Variants in ZNF257 observed in about 807,000 individuals in gnomAD.
ZNF257 encodes bone marrow zinc finger 4.
A neutral mutation model predicts 11.9 loss-of-function variants in ZNF257; 12 were observed. The observed-to-expected ratio is 1.01, with a 90% confidence interval of 0.65 to 1.63. The LOEUF (loss-of-function observed/expected upper bound fraction) is 1.63, where lower values mean the gene tolerates loss of function less well. Among genes scored for constraint, ZNF257 ranks in the 40% most tolerant of loss-of-function variants. The probability of loss-of-function intolerance (pLI) is 0.00; values close to 1 mark genes in which losing one functional copy is unlikely to be tolerated. For missense variants in ZNF257, 580 were observed against 665.5 expected (o/e 0.87, Z 1.41); for synonymous variants, 183 against 222.7 (o/e 0.82, Z 1.59).
chr19:22,079,040 C>T (rs537425078), intron 3 of ZNF257, among the ~76,000 whole-genome samples: 24 of 152,278 alleles, frequency 1.6e-4, no homozygotes, highest in Admixed American at 3.9e-4. Context: ...GATCTACCTG[C>T]CTTGGCCTCC....
intron 1 of ZNF257, among the ~76,000 whole-genome samples, chr19:22,068,880 T>TG (rs2022028230): frequency 6.6e-6 from 1 of 152,158 alleles, no homozygotes; most frequent in African/African-American, 2.4e-5. Context: ...GGCTTACAAT[T>TG]GGGCCGTCAG....
rs574994719 is a variant in ZNF257, at chr19:22,091,364, G to C, written c.*1922G>C. 5 of 147,326 alleles carry C rather than the reference G, an allele frequency of 3.4e-5. No individual in the cohort carries two copies. The highest frequency in any genetic ancestry group is 2.1e-4 in the Admixed American group (3 of 14,208). The allele number at this position is 147,326 out of a possible 1,614,324, so 9.1% of individuals were successfully genotyped here. On this transcript the variant is annotated 3_prime_UTR_variant, in exon 4 of 4. Coordinates refer to ENST00000594947, the MANE Select transcript of ZNF257 (RefSeq NM_033468.4). ...AATCCCAGCTATTTGGGAGATTGAG[G>C]CAAGAGAATCACGTGTACCCAGGAG...
rs1359491575 is a variant in ZNF257, at chr19:22,088,312, C to G, written c.562C>G (p.Leu188Val). The change falls in exon 4 of 4, where the codon CTA becomes GTA. Residue 188 changes from leucine to valine, a missense_variant. Coordinates refer to ENST00000594947, the MANE Select transcript of ZNF257 (RefSeq NM_033468.4). ...CAAATCATTTTGCATGCTTTCACAA[C>G]TAACTCGACATAAGAGAATTCATAT... ...CGKSFCMLSQ[L>V]TRHKRIHIRE... The G allele has an allele frequency of 1.9e-6, 3 of 1,613,628 alleles. No homozygotes were observed. In the South Asian group the frequency reaches 3.3e-5, roughly 18 times the overall value.
intron 1 of ZNF257, chr19:22,060,486 CTT>C (rs61396561): frequency 0.24 from 32,389 of 135,934 alleles, 5,036 homozygotes; most frequent in African/African-American, 0.46. Flanking sequence ...CCTACTTTTT[CTT>C]TTTTTTTTTT....
chr19:22,053,228 CG>C (rs573125136), intron 1 of ZNF257, among the ~76,000 whole-genome samples: 1 of 151,794 alleles, frequency 6.6e-6, no homozygotes, highest in Non-Finnish European at 1.5e-5. Flanking sequence ...AATTAGCGGG[CG>C]TGGTGGCATG....
At chr19:22,072,584 G>A (rs2022128808) in intron 1 of ZNF257, among the ~76,000 whole-genome samples, 1 of 152,088 alleles carries the variant, frequency 6.6e-6, no homozygotes, top group Non-Finnish European at 1.5e-5. Flanking sequence ...TAAAAATTCT[G>A]CCCTGGCTGC....
rs565625206 is a variant in ZNF257, at chr19:22,072,925, G to A, written c.120G>A (p.Leu40=). ...TGATGTTAGAGAACTACAGAAACCT[G>A]GTCTTCCTGGGTGAGGATAACTTCA... ...RDVMLENYRN[L]VFLGIAVSKP... Residue 40 remains leucine, a synonymous_variant, in exon 2 of 4, where the codon CTG becomes CTA. Transcript: ENST00000594947. 2 of 1,611,462 alleles carry A rather than the reference G, an allele frequency of 1.2e-6. No homozygotes were observed. The highest frequency in any genetic ancestry group is 3.3e-5 in the Admixed American group (2 of 59,720).
chr19:22,081,209 GT>G (rs1195225776), intron 3 of ZNF257, among the ~76,000 whole-genome samples: 18 of 151,618 alleles, frequency 1.2e-4, no homozygotes, highest in Non-Finnish European at 2.6e-4. Context: ...ACATATATAT[GT>G]TATATATACA....
In ZNF257 at chr19:22,089,803, A is replaced by G; in HGVS notation, c.*361A>G. On this transcript the variant is annotated 3_prime_UTR_variant, in exon 4 of 4. Coordinates refer to ENST00000594947, the MANE Select transcript of ZNF257 (RefSeq NM_033468.4). ...ATCCTAAAGTGTGAAGAATGTCACA[A>G]AGCCCTTAATAAGTCCTCAATTCTT... The G allele has an allele frequency of 3.4e-6, 1 of 291,720 alleles. No individual in the cohort carries two copies. Among genetic ancestry groups the G allele is most frequent in the Non-Finnish European group, 6.6e-6 (1 of 152,154 alleles). The allele number at this position is 291,720 out of a possible 1,614,324, so 18.1% of individuals were successfully genotyped here. A position where few individuals can be genotyped will look rare whatever the true frequency, so the allele number is the denominator to read the frequency against.
chr19:22,087,365 T>G (rs931858808), intron 3 of ZNF257, among the ~76,000 whole-genome samples: 2 of 152,074 alleles, frequency 1.3e-5, no homozygotes, highest in Non-Finnish European at 2.9e-5. Context: ...ATCTGAAATG[T>G]TTTATTTTCT....
chr19:22,085,178 A>G (rs1246781011), intron 3 of ZNF257, among the ~76,000 whole-genome samples: 2 of 151,750 alleles, frequency 1.3e-5, no homozygotes, highest in Admixed American at 6.6e-5. Flanking sequence ...TCAGCCTCCC[A>G]AGTAGCTGGG....
chr19:22,073,143 A>G (rs1440709672), intron 2 of ZNF257, among the ~76,000 whole-genome samples: 1 of 151,996 alleles, frequency 6.6e-6, no homozygotes, highest in African/African-American at 2.4e-5. Flanking sequence ...TTCACCTTGA[A>G]CTGAACTTTC....
chr19:22,059,405 T>C (rs543209862), intron 1 of ZNF257, among the ~76,000 whole-genome samples: 1 of 152,172 alleles, frequency 6.6e-6, no homozygotes, highest in South Asian at 2.1e-4. Flanking sequence ...TTATTTATTA[T>C]TATTTTTTGA....
intron 3 of ZNF257, among the ~76,000 whole-genome samples, chr19:22,085,489 A>G (rs113940890): frequency 0.021 from 3,265 of 152,204 alleles, 122 homozygotes; most frequent in African/African-American, 0.074. Context: ...AGTTTTCTCT[A>G]TATCTGTGTT....
intron 1 of ZNF257, among the ~76,000 whole-genome samples, chr19:22,063,702 A>C (rs1481129243): frequency 6.6e-6 from 1 of 152,210 alleles, no homozygotes; most frequent in African/African-American, 2.4e-5. Context: ...TATTTTCAAC[A>C]ATCTGTTGTC....
intron 3 of ZNF257, chr19:22,087,512 G>A (rs1463070133): frequency 8.3e-7 from 1 of 1,199,950 alleles, no homozygotes; most frequent in Non-Finnish European, 1.0e-6. Flanking sequence ...TCATTCTAAA[G>A]TATACTATTT....
At chr19:22,056,478 A>ACTT (rs770234509) in intron 1 of ZNF257, among the ~76,000 whole-genome samples, 20 of 134,604 alleles carry the variant, frequency 1.5e-4, no homozygotes, top group African/African-American at 5.8e-4. Flanking sequence ...GAATTTAGAA[A>ACTT]TTTTTTTTTT....
In ZNF257 at chr19:22,087,835, T is replaced by C. The variant is rs898984528; in HGVS notation, c.227-142T>C. Reference sequence around the variant, plus strand: ...CAGTATGTTTTTGTTACATTTTATATGTTTTTGAATAAATTAGAGCCTGTG... The same window carrying C: ...CAGTATGTTTTTGTTACATTTTATACGTTTTTGAATAAATTAGAGCCTGTG... On this transcript the variant is annotated intron_variant, in intron 3 of 3. Coordinates refer to ENST00000594947, the MANE Select transcript of ZNF257 (RefSeq NM_033468.4). 1.3e-5 allele frequency: 11 copies of C among 843,780 alleles called. 1 individual carries two copies. Among genetic ancestry groups the C allele is most frequent in the Non-Finnish European group, 1.8e-5 (11 of 621,004 alleles). The allele number at this position is 843,780 out of a possible 1,614,324, so 52.3% of individuals were successfully genotyped here.
intron 1 of ZNF257, among the ~76,000 whole-genome samples, chr19:22,058,053 C>T (rs935691016): frequency 2.0e-5 from 3 of 152,062 alleles, no homozygotes; most frequent in Non-Finnish European, 2.9e-5. Flanking sequence ...TAAGCCACCG[C>T]GCCTAGCCAA....
Sources: gnomAD v4.1 joint callset for allele counts (sites outside exome capture counted in the v4.1 genomes callset) on GRCh38, gnomAD v4.1.1 for gene constraint, MANE v1.5 for transcripts, NCBI Gene and HGNC (gene_info 2026-07-23, HGNC 2026-07-21) for gene names.